Variants in TTC39B observed in about 807,000 individuals in gnomAD.
TTC39B encodes tetratricopeptide repeat protein 39B.
A neutral mutation model predicts 96.6 loss-of-function variants in TTC39B; 92 were observed. The ratio of observed to expected loss-of-function variants is 0.95; its 90% CI spans 0.80 to 1.13. TTC39B has a LOEUF of 1.13. Ranked by LOEUF, TTC39B falls within the 50% of genes most tolerant of loss-of-function variation. The probability of loss-of-function intolerance (pLI) is 0.00; values close to 1 mark genes in which losing one functional copy is unlikely to be tolerated. For missense variants in TTC39B, 955 were observed against 809.3 expected (o/e 1.18, Z -2.18); for synonymous variants, 367 against 299.4 (o/e 1.23, Z -2.33).
At chr9:15,235,167 T>G (rs1158146585) in intron 2 of TTC39B, among the ~76,000 whole-genome samples, 1 of 152,158 alleles carries the variant, frequency 6.6e-6, no homozygotes, top group Non-Finnish European at 1.5e-5. Flanking sequence ...AGAAAGTATT[T>G]CAGAGCTTAA....
At chr9:15,264,975 G>A (rs1398129992) in intron 2 of TTC39B, among the ~76,000 whole-genome samples, 1 of 151,786 alleles carries the variant, frequency 6.6e-6, no homozygotes, top group African/African-American at 2.4e-5. Flanking sequence ...TAGATCAAAG[G>A]AACTGAATGG....
chr9:15,290,846 G>A (rs980961782), intron 1 of TTC39B, among the ~76,000 whole-genome samples: 1 of 152,136 alleles, frequency 6.6e-6, no homozygotes, highest in African/African-American at 2.4e-5. Flanking sequence ...AAAATGCACA[G>A]GGCACAGATC....
chr9:15,307,054 G>A (rs1460356851), intron 1 of TTC39B, 30 bp downstream of exon 1: 10 of 1,604,824 alleles, frequency 6.2e-6, no homozygotes, highest in African/African-American at 1.3e-5. Flanking sequence ...GGCTTCAGGG[G>A]CCGGGCCCGC....
At chr9:15,256,958 T>A (rs10961939) in intron 2 of TTC39B, among the ~76,000 whole-genome samples, 1 of 152,008 alleles carries the variant, frequency 6.6e-6, no homozygotes, top group Non-Finnish European at 1.5e-5. Context: ...AGCAGTGACA[T>A]CATCCCATTT....
Position 15,177,683 on chromosome 9 carries a change from T to C in TTC39B, c.1841+14A>G, listed in dbSNP as rs536235935. ...ACAATTTGCACTTGGGCTGGTTTTATTGTTTGGTCTTACCTTTCCACAACA... is the reference window on the plus strand; with the variant it reads ...ACAATTTGCACTTGGGCTGGTTTTACTGTTTGGTCTTACCTTTCCACAACA... On this transcript the variant is annotated intron_variant, in intron 18 of 19. Transcript: ENST00000512701. 47 of 1,573,086 alleles carry C rather than the reference T, an allele frequency of 3.0e-5. No homozygotes were observed. The South Asian group carries it at 5.1e-4, about 17-fold the overall frequency.
At chr9:15,307,206 C>G (rs1449897774) in exon 1 of TTC39B, 1 of 1,564,000 alleles carries the variant, frequency 6.4e-7, no homozygotes, top group Non-Finnish European at 8.7e-7. Context: ...GGGCTCAGCC[C>G]AGCGCAAAGG....
intron 8 of TTC39B, among the ~76,000 whole-genome samples, chr9:15,197,782 A>C (rs561762682): frequency 6.6e-6 from 1 of 152,334 alleles, no homozygotes; most frequent in Non-Finnish European, 1.5e-5. Flanking sequence ...GGGGAACAAT[A>C]ATACAAATGA....
chr9:15,179,407 A>T (rs1320362064), intron 17 of TTC39B, among the ~76,000 whole-genome samples: 1 of 152,210 alleles, frequency 6.6e-6, no homozygotes, highest in Non-Finnish European at 1.5e-5. Context: ...TATGGAGATT[A>T]ACAATGCTAC....
At chr9:15,174,051 T>C (rs1817799376) in intron 19 of TTC39B, among the ~76,000 whole-genome samples, 1 of 152,198 alleles carries the variant, frequency 6.6e-6, no homozygotes, top group African/African-American at 2.4e-5. Context: ...TGGCTTTAAT[T>C]ATGCAAATCT....
At chr9:15,234,901 G>A (rs10961928) in intron 2 of TTC39B, among the ~76,000 whole-genome samples, 17,417 of 151,704 alleles carry the variant, frequency 0.11, 1,641 homozygotes, top group African/African-American at 0.25. Flanking sequence ...GCGGAAGGCC[G>A]CAGGGTCCTC....
intron 5 of TTC39B, among the ~76,000 whole-genome samples, chr9:15,210,576 TAACCTTCTGATCATG>T (rs1014805578): frequency 1.3e-5 from 2 of 152,224 alleles, no homozygotes; most frequent in African/African-American, 4.8e-5. Flanking sequence ...TCACCCATGT[TAACCTTCTGATCATG>T]AACCTTCTGC....
intron 8 of TTC39B, among the ~76,000 whole-genome samples, chr9:15,199,078 A>G (rs1586852451): frequency 6.6e-6 from 1 of 152,334 alleles, no homozygotes; most frequent in Non-Finnish European, 1.5e-5. Flanking sequence ...AAAGGAAGAA[A>G]GGGATGACTC....
At chr9:15,293,750 A>G in intron 1 of TTC39B, among the ~76,000 whole-genome samples, 1 of 152,236 alleles carries the variant, frequency 6.6e-6, no homozygotes, top group East Asian at 1.9e-4. Context: ...AGTTTGGCCT[A>G]AAGGTTTCTC....
intron 2 of TTC39B, chr9:15,249,023 T>A (rs1822409388): frequency 6.6e-6 from 1 of 152,226 alleles, no homozygotes; most frequent in Non-Finnish European, 1.5e-5. Flanking sequence ...ACAAAATCAG[T>A]AGCCAAATTA....
intron 1 of TTC39B, among the ~76,000 whole-genome samples, chr9:15,280,288 A>G (rs1823710076): frequency 1.3e-5 from 2 of 152,214 alleles, no homozygotes; most frequent in South Asian, 4.1e-4. Flanking sequence ...CAAACTGCAT[A>G]GCTGCAACTG....
At chr9:15,191,145 T>A in intron 10 of TTC39B, 45 bp downstream of exon 10, 1 of 1,376,210 alleles carries the variant, frequency 7.3e-7, no homozygotes. Flanking sequence ...CAATAAATAC[T>A]GTCTTATCTT....
At chr9:15,289,811 C>T (rs1252316405) in intron 1 of TTC39B, among the ~76,000 whole-genome samples, 6 of 152,080 alleles carry the variant, frequency 3.9e-5, no homozygotes, top group African/African-American at 1.4e-4. Context: ...ATAGCAGCTG[C>T]CTTAAGGAAT....
chr9:15,265,814 C>A (rs888746681), intron 2 of TTC39B, among the ~76,000 whole-genome samples: 2 of 152,260 alleles, frequency 1.3e-5, no homozygotes, highest in Admixed American at 6.5e-5. Flanking sequence ...CCCAAAAACA[C>A]ATGACCACAG....
At position 15,184,236 on chromosome 9, in the gene TTC39B, C is replaced by T. The variant is rs115421840; in HGVS notation, c.1614+1044G>A. On this transcript the variant is annotated intron_variant, in intron 16 of 19. Coordinates refer to ENST00000512701, the Ensembl canonical transcript of TTC39B. ...AGAGCTTTTTTTGAGGGGAATTTAA[C>T]AATATCTACCAAAATATTAAATGTA... Among the ~76,000 whole-genome samples the T allele has an allele frequency of 8.3e-3, 1,265 of 152,166 alleles. 18 individuals are homozygous for T. Among genetic ancestry groups the T allele is most frequent in the African/African-American group, 0.029 (1,203 of 41,518 alleles).
Sources: allele counts gnomAD v4.1 joint callset (sites outside exome capture counted in the v4.1 genomes callset), GRCh38; gene constraint gnomAD v4.1.1; transcripts MANE v1.5; gene names NCBI Gene and HGNC (gene_info 2026-07-23, HGNC 2026-07-21).